Variants in FBN1 observed in about 807,000 individuals in gnomAD.
The protein encoded by FBN1 is fibrillin-1.
FBN1 carries 29 observed loss-of-function variants against 365.1 expected under a neutral mutation model. The observed-to-expected ratio is 0.08, with a 90% CI of 0.06 to 0.11. FBN1 has a LOEUF of 0.11. FBN1 is among the 10% of genes least tolerant of loss of function. The probability of loss-of-function intolerance (pLI) is 1.00; values close to 1 mark genes in which losing one functional copy is unlikely to be tolerated. For synonymous variants in FBN1, 1,210 were observed against 1,270.5 expected (o/e 0.95, Z 1.01); for missense variants, 2,476 against 3,703.2 (o/e 0.67, Z 8.60).
chr15:48,587,478 T>G (rs2044446509), intron 6 of FBN1, among the ~76,000 whole-genome samples: 1 of 152,176 alleles, frequency 6.6e-6, no homozygotes, highest in African/African-American at 2.4e-5. Flanking sequence ...TCTTTGGAGT[T>G]ATGTGAGTTG....
chr15:48,568,444 GTAGATTA>G (rs1320198970), intron 6 of FBN1, among the ~76,000 whole-genome samples: 1 of 152,064 alleles, frequency 6.6e-6, no homozygotes, highest in Non-Finnish European at 1.5e-5. Flanking sequence ...AAATTGACCT[GTAGATTA>G]AAGGTAATCT....
At chr15:48,460,924 A>T (rs1380635360) in intron 42 of FBN1, among the ~76,000 whole-genome samples, 2 of 152,156 alleles carry the variant, frequency 1.3e-5, no homozygotes, top group Non-Finnish European at 2.9e-5. Flanking sequence ...CAAATTTAAC[A>T]GATAATAAAG....
At chr15:48,423,768 C>T (rs1022950496) in intron 60 of FBN1, among the ~76,000 whole-genome samples, 2 of 152,082 alleles carry the variant, frequency 1.3e-5, no homozygotes, top group Non-Finnish European at 2.9e-5. Context: ...CAACTATCTG[C>T]ACTATTCATT....
At chr15:48,570,565 A>G (rs2140671098) in intron 6 of FBN1, among the ~76,000 whole-genome samples, 1 of 152,214 alleles carries the variant, frequency 6.6e-6, no homozygotes, top group South Asian at 2.1e-4. Context: ...CATGAAATTC[A>G]TGACTCCCCT....
At chr15:48,470,803 T>TAA in intron 35 of FBN1, 47 bp from the exon 36 acceptor site, 1 of 1,589,474 alleles carries the variant, frequency 6.3e-7, no homozygotes, top group African/African-American at 1.4e-5. Context: ...TATATTTTTC[T>TAA]AAAAAAAACC....
At chr15:48,505,947 G>A (rs894072299) in intron 15 of FBN1, among the ~76,000 whole-genome samples, 1 of 152,200 alleles carries the variant, frequency 6.6e-6, no homozygotes. Context: ...TTTAGGCCAG[G>A]TGCAGTGGCT....
intron 4 of FBN1, among the ~76,000 whole-genome samples, chr15:48,605,698 C>T (rs562161885): frequency 2.0e-5 from 3 of 152,194 alleles, no homozygotes; most frequent in Admixed American, 2.0e-4. Flanking sequence ...CATGGCAAAA[C>T]CCTGTCTCTA....
intron 17 of FBN1, 125 bp from the exon 18 acceptor site, chr15:48,499,163 G>T: frequency 1.1e-6 from 1 of 924,452 alleles, no homozygotes. Context: ...TAACGGAAAA[G>T]GAGGTATCTC....
chr15:48,636,846 A>C (rs1890102809), intron 2 of FBN1, among the ~76,000 whole-genome samples: 1 of 152,260 alleles, frequency 6.6e-6, no homozygotes, highest in Non-Finnish European at 1.5e-5. Flanking sequence ...GAGCCACAGA[A>C]TCATGAGAAA....
At chr15:48,504,959 CATT>C in intron 16 of FBN1, 63 bp downstream of exon 16, 1 of 1,605,448 alleles carries the variant, frequency 6.2e-7, no homozygotes, top group Non-Finnish European at 8.5e-7. Context: ...CGTTTGTTAC[CATT>C]GGGCTTTATT....
chr15:48,481,107 T>C (rs2043461435), intron 32 of FBN1, among the ~76,000 whole-genome samples: 1 of 152,198 alleles, frequency 6.6e-6, no homozygotes, highest in African/African-American at 2.4e-5. Context: ...AATGGTTTCA[T>C]TATCACTTCA....
intron 25 of FBN1, 55 bp downstream of exon 25, chr15:48,489,796 C>T: frequency 2.2e-6 from 3 of 1,367,378 alleles, no homozygotes; most frequent in Non-Finnish European, 3.1e-6. Flanking sequence ...CATGAAAATG[C>T]ATCCTATTTG....
intron 6 of FBN1, among the ~76,000 whole-genome samples, chr15:48,556,329 C>A (rs1463682737): frequency 6.6e-6 from 1 of 152,134 alleles, no homozygotes. Context: ...ATTTAAGAAC[C>A]AAGCTTCAAC....
chr15:48,519,931 G>GA lies in FBN1; in HGVS notation c.1147+727dup, dbSNP rs551381137. Among the ~76,000 whole-genome samples the GA allele has an allele frequency of 5.2e-4, 79 of 152,242 alleles. 3 individuals carry two copies. The Middle Eastern group carries it at 0.01, about 20-fold the overall frequency. On this transcript the variant is annotated intron_variant, in intron 10 of 65. Coordinates refer to ENST00000316623, the MANE Select transcript of FBN1 (RefSeq NM_000138.5). ...TTTTTGGACATCTTTCTCGACTAAC[G>GA]AAAGTGTGCTGTATTTATGTATTTG... is the stretch of plus-strand genomic sequence containing the variant.
At chr15:48,462,670 A>G (rs568565285) in intron 42 of FBN1, among the ~76,000 whole-genome samples, 2 of 152,216 alleles carry the variant, frequency 1.3e-5, no homozygotes, top group Admixed American at 6.5e-5. Context: ...TAACATTTAC[A>G]TCTTTGTAGG....
chr15:48,606,985 C>A (rs1207457653), intron 4 of FBN1, among the ~76,000 whole-genome samples: 1 of 152,152 alleles, frequency 6.6e-6, no homozygotes, highest in Non-Finnish European at 1.5e-5. Context: ...CCATGTGATG[C>A]CTTCCACCAT....
chr15:48,568,326 G>C (rs2044277277), intron 6 of FBN1, among the ~76,000 whole-genome samples: 1 of 152,040 alleles, frequency 6.6e-6, no homozygotes, highest in African/African-American at 2.4e-5. Flanking sequence ...TGCATAATTT[G>C]TGCACTGAAC....
chr15:48,616,989 A>G (rs1357556788), intron 2 of FBN1, among the ~76,000 whole-genome samples: 1 of 152,182 alleles, frequency 6.6e-6, no homozygotes, highest in East Asian at 1.9e-4. Context: ...GGAGATTTGA[A>G]CTCAAGAAGC....
At chr15:48,491,399 G>A (rs141839265) in intron 24 of FBN1, among the ~76,000 whole-genome samples, 119 of 150,478 alleles carry the variant, frequency 7.9e-4, no homozygotes, top group East Asian at 2.9e-3. Flanking sequence ...TGCCTAGGCC[G>A]GACTGCAGTG....
Sources: gnomAD v4.1 joint callset for allele counts (sites outside exome capture counted in the v4.1 genomes callset) on GRCh38, gnomAD v4.1.1 for gene constraint, MANE v1.5 for transcripts, NCBI Gene and HGNC (gene_info 2026-07-23, HGNC 2026-07-21) for gene names.